The following FGF13 variants were observed in gnomAD, a reference collection of about 807,000 sequenced individuals.
FGF13 encodes fibroblast growth factor 13, also known as fibroblast growth factor homologous factor 2.
A neutral mutation model predicts 19.5 loss-of-function variants in FGF13; 2 were observed. The observed-to-expected ratio is 0.10, with a 90% CI of 0.04 to 0.32. The LOEUF (loss-of-function observed/expected upper bound fraction) is 0.32. Ranked by LOEUF, FGF13 falls within the 10% of genes least tolerant of loss-of-function variation. The pLI, the probability that FGF13 is intolerant of heterozygous loss-of-function variation, is 1.00. For missense variants in FGF13, 113 were observed against 192.7 expected (o/e 0.59, Z 2.45); for synonymous variants, 72 against 76.9 (o/e 0.94, Z 0.33).
intron 1 of FGF13, among the ~76,000 whole-genome samples, chrX:139,100,838 G>A (rs941794601): frequency 2.7e-5 from 3 of 110,795 alleles, no homozygotes; most frequent in Non-Finnish European, 5.7e-5. Context: ...CTAACCTTAC[G>A]TGGTCCCGTA....
rs529386341 is a variant in FGF13, at chrX:138,867,885, C to T, written c.-112-3235G>A. Among the ~76,000 whole-genome samples the T allele has an allele frequency of 6.4e-5, 7 of 109,998 alleles. No individual in the cohort carries two copies. In the South Asian group the frequency reaches 1.2e-3, roughly 19 times the overall value. On this transcript the variant is annotated intron_variant, in intron 1 of 2. Coordinates refer to the FGF13 transcript ENST00000421460. ...GTAACTGAAGCTGAATTCAAGTTAA[C>T]GTGAAGGTGTCTTCCACTCCCACCA...
chrX:139,076,368 T>C (rs1159367128), intron 1 of FGF13, among the ~76,000 whole-genome samples: 1 of 111,849 alleles, frequency 8.9e-6, no homozygotes, highest in Admixed American at 9.5e-5. Context: ...GGTATGGAAG[T>C]GCAATTTGCA....
chrX:139,175,019 T>A (rs1031271458), intron 1 of FGF13, among the ~76,000 whole-genome samples: 3 of 112,266 alleles, frequency 2.7e-5, no homozygotes, highest in Non-Finnish European at 5.6e-5. Context: ...TGTTTCTTCC[T>A]ATCCAGGAGC....
At chrX:139,005,165 C>T (rs1195351204) in intron 1 of FGF13, among the ~76,000 whole-genome samples, 2 of 84,460 alleles carry the variant, frequency 2.4e-5, no homozygotes, top group Non-Finnish European at 4.4e-5. Flanking sequence ...AGCCCACTGG[C>T]GTTGACCACA....
At chrX:138,816,892 T>C (rs1042452569) in intron 3 of FGF13, among the ~76,000 whole-genome samples, 4 of 112,193 alleles carry the variant, frequency 3.6e-5, no homozygotes, top group Non-Finnish European at 5.6e-5. Flanking sequence ...AAGGAGACCT[T>C]CATCTGCTTA....
At position 138,950,540 on chromosome X, in the gene FGF13, T is replaced by G. The variant is rs890980361; in HGVS notation, c.-112-85890A>C. ...ATTCAAGTTCTATGTTTGTTTTATGTCAAAGTCCCTGCTCTTTTCACTGTA... is the reference window on the plus strand; with the variant it reads ...ATTCAAGTTCTATGTTTGTTTTATGGCAAAGTCCCTGCTCTTTTCACTGTA... On this transcript the variant is annotated intron_variant, in intron 1 of 2. Coordinates refer to the FGF13 transcript ENST00000421460. Among the ~76,000 whole-genome samples, 54 of 112,008 alleles carry G rather than the reference T, an allele frequency of 4.8e-4. No individual in the cohort carries two copies. In the Admixed American group the frequency reaches 5.1e-3, roughly 11 times the overall value.
chrX:138,752,813 T>C (rs55704349), intron 3 of FGF13, among the ~76,000 whole-genome samples: 46 of 112,213 alleles, frequency 4.1e-4, no homozygotes, highest in Non-Finnish European at 5.3e-4. Flanking sequence ...GGGTTTAATC[T>C]AAAATATATT....
intron 1 of FGF13, among the ~76,000 whole-genome samples, chrX:139,061,769 A>G (rs142803527): frequency 9.0e-6 from 1 of 110,799 alleles, no homozygotes; most frequent in African/African-American, 3.3e-5. Context: ...AGTAAAGGGT[A>G]TGAAGTGGTA....
chrX:138,911,030 G>C (rs1221265912), intron 1 of FGF13, among the ~76,000 whole-genome samples: 1 of 111,020 alleles, frequency 9.0e-6, no homozygotes, highest in Admixed American at 9.6e-5. Context: ...CCAGCACTAA[G>C]GATTTTTTTC....
At chrX:138,969,738 G>A (rs771896146) in intron 1 of FGF13, among the ~76,000 whole-genome samples, 11 of 111,528 alleles carry the variant, frequency 9.9e-5, no homozygotes, top group Middle Eastern at 4.6e-3. Context: ...GTGTATAACA[G>A]GCAGCAAGAA....
chrX:138,783,027 G>C (rs1459840270), intron 3 of FGF13, among the ~76,000 whole-genome samples: 2 of 87,418 alleles, frequency 2.3e-5, no homozygotes, highest in Non-Finnish European at 4.4e-5. Flanking sequence ...ACAACTATCT[G>C]ATCTTTGACA....
chrX:138,942,821 T>C (rs1165265221), intron 1 of FGF13, among the ~76,000 whole-genome samples: 1 of 111,676 alleles, frequency 9.0e-6, no homozygotes, highest in Admixed American at 9.5e-5. Context: ...CGACTCCTTG[T>C]ATACTGTGTT....
At chrX:138,931,039 A>C (rs1450014144) in intron 1 of FGF13, among the ~76,000 whole-genome samples, 1 of 112,725 alleles carries the variant, frequency 8.9e-6, no homozygotes, top group Non-Finnish European at 1.9e-5. Context: ...TATGAATTAT[A>C]ATACATTAAA....
At chrX:138,879,395 C>T (rs1313851643) in intron 1 of FGF13, among the ~76,000 whole-genome samples, 1 of 111,823 alleles carries the variant, frequency 8.9e-6, no homozygotes, top group Non-Finnish European at 1.9e-5. Flanking sequence ...ACTTCCGTTG[C>T]TCATGCTTTT....
intron 1 of FGF13, among the ~76,000 whole-genome samples, chrX:138,931,629 C>A (rs894763324): frequency 3.6e-5 from 4 of 111,541 alleles, no homozygotes; most frequent in Non-Finnish European, 5.6e-5. Context: ...CTCCAGGCCT[C>A]CAACATATCC....
chrX:138,794,265 A>C (rs1298707612), intron 3 of FGF13, among the ~76,000 whole-genome samples: 1 of 112,062 alleles, frequency 8.9e-6, no homozygotes, highest in Non-Finnish European at 1.9e-5. Context: ...TCAGGATAAA[A>C]TGTAGTCACA....
chrX:138,942,418 A>G (rs2091762613), intron 1 of FGF13, among the ~76,000 whole-genome samples: 1 of 112,077 alleles, frequency 8.9e-6, no homozygotes. Context: ...ACATCTGCAT[A>G]ACAATTTGGC....
At chrX:138,853,423 G>C (rs1354179307), downstream of FGF13, among the ~76,000 whole-genome samples, 1 of 111,203 alleles carries the variant, frequency 9.0e-6, no homozygotes, top group Non-Finnish European at 1.9e-5. Flanking sequence ...TAACAGACAT[G>C]GTAGTTACAA....
chrX:138,839,057 C>T (rs2091131772), intron 3 of FGF13, among the ~76,000 whole-genome samples: 2 of 111,397 alleles, frequency 1.8e-5, no homozygotes, highest in Non-Finnish European at 3.8e-5. Flanking sequence ...GGCGTGAAGG[C>T]TCTACCCTCA....
Sources: gnomAD v4.1 joint callset for allele counts (sites outside exome capture counted in the v4.1 genomes callset) on GRCh38, gnomAD v4.1.1 for gene constraint, MANE v1.5 for transcripts, NCBI Gene and HGNC (gene_info 2026-07-23, HGNC 2026-07-21) for gene names.